The following ZPBP variants were observed in gnomAD, a reference collection of about 807,000 sequenced individuals.
ZPBP encodes the protein zona pellucida binding protein.
In ZPBP, 26 loss-of-function variants were observed where a neutral mutation model predicts 44.8. The ratio of observed to expected loss-of-function variants is 0.58; its 90% CI spans 0.43 to 0.81. The LOEUF is 0.81. Among genes scored for constraint, ZPBP ranks in the 30% least tolerant of loss-of-function variants. ZPBP has a pLI of 0.00. For missense variants in ZPBP, 409 were observed against 434.0 expected (o/e 0.94, Z 0.51); for synonymous variants, 174 against 153.2 (o/e 1.14, Z -1.00).
chr7:49,951,460 C>T (rs1274467849), intron 7 of ZPBP, among the ~76,000 whole-genome samples: 2 of 151,248 alleles, frequency 1.3e-5, no homozygotes, highest in East Asian at 1.9e-4. Flanking sequence ...GGAAAAAATG[C>T]TCAACATCAT....
At chr7:50,034,785 C>T (rs1584089714) in intron 4 of ZPBP, among the ~76,000 whole-genome samples, 1 of 152,200 alleles carries the variant, frequency 6.6e-6, no homozygotes, top group African/African-American at 2.4e-5. Flanking sequence ...TTGTTTCAAT[C>T]TGTTTCTCAC....
chr7:49,913,206 C>G (rs1219639248), intron 1 of ZPBP: 2 of 152,108 alleles, frequency 1.3e-5, no homozygotes, highest in African/African-American at 4.8e-5. Flanking sequence ...AATTAGCCAC[C>G]CTTCACAAGC....
intron 4 of ZPBP, among the ~76,000 whole-genome samples, chr7:50,033,591 A>T (rs1372640467): frequency 6.6e-6 from 1 of 152,198 alleles, no homozygotes; most frequent in Non-Finnish European, 1.5e-5. Context: ...ACTGGAGAGG[A>T]TTTTAAAAGT....
intron 2 of ZPBP, among the ~76,000 whole-genome samples, chr7:49,875,138 G>A (rs1443110064): frequency 2.0e-5 from 3 of 151,188 alleles, no homozygotes; most frequent in Admixed American, 1.3e-4. Flanking sequence ...TTGGGAGGCC[G>A]AGGCAGGCAG....
At chr7:49,949,430 C>A (rs1795236543) in intron 7 of ZPBP, among the ~76,000 whole-genome samples, 1 of 152,036 alleles carries the variant, frequency 6.6e-6, no homozygotes, top group African/African-American at 2.4e-5. Flanking sequence ...TGTATAGGTA[C>A]AATAGAATGT....
intron 6 of ZPBP, among the ~76,000 whole-genome samples, chr7:49,995,553 G>A (rs1309027011): frequency 1.3e-5 from 2 of 152,202 alleles, no homozygotes; most frequent in African/African-American, 2.4e-5. Context: ...AAATAGGAGA[G>A]ATAAATGCGG....
chr7:50,068,206 C>T (rs1801633707), intron 3 of ZPBP, among the ~76,000 whole-genome samples: 1 of 151,966 alleles, frequency 6.6e-6, no homozygotes, highest in Non-Finnish European at 1.5e-5. Flanking sequence ...ACCTTGCTGC[C>T]CTTAGGGACT....
chr7:49,935,715 A>C (rs1034584823), downstream of ZPBP: 1 of 152,212 alleles, frequency 6.6e-6, no homozygotes, highest in African/African-American at 2.4e-5. Context: ...CAATTTCTAC[A>C]GCTTGTTTTC....
At chr7:50,047,616 G>C (rs1800444179) in intron 4 of ZPBP, among the ~76,000 whole-genome samples, 1 of 149,892 alleles carries the variant, frequency 6.7e-6, no homozygotes, top group Admixed American at 6.7e-5. Flanking sequence ...TAAAACTAGG[G>C]ACTGAGTATA....
intron 2 of ZPBP, among the ~76,000 whole-genome samples, chr7:49,874,753 A>G (rs1238990658): frequency 6.6e-6 from 1 of 152,166 alleles, no homozygotes; most frequent in African/African-American, 2.4e-5. Flanking sequence ...CACCTTTGCT[A>G]TAGGACTGTG....
chr7:49,923,148 G>A (rs1376854130), intron 1 of ZPBP, among the ~76,000 whole-genome samples: 1 of 151,850 alleles, frequency 6.6e-6, no homozygotes, highest in African/African-American at 2.4e-5. Context: ...AGTTCCAAAA[G>A]GCAAAAAAGG....
intron 6 of ZPBP, among the ~76,000 whole-genome samples, chr7:49,990,985 C>T (rs886431742): frequency 5.3e-5 from 8 of 152,112 alleles, no homozygotes; most frequent in Admixed American, 2.0e-4. Context: ...CTCAAATATC[C>T]ACTAGGGGAG....
chr7:49,958,819 T>C (rs191715279), intron 7 of ZPBP, among the ~76,000 whole-genome samples: 18 of 152,310 alleles, frequency 1.2e-4, no homozygotes, highest in Admixed American at 7.2e-4. Context: ...ATCAATCCTA[T>C]AGAAGCACTT....
intron 4 of ZPBP, among the ~76,000 whole-genome samples, chr7:50,040,727 G>A (rs898759788): frequency 3.3e-5 from 5 of 152,126 alleles, no homozygotes; most frequent in Non-Finnish European, 7.3e-5. Context: ...AAAACTTGGC[G>A]GCCATTTGGG....
chr7:49,884,295 C>T (rs2128728153), intron 2 of ZPBP, among the ~76,000 whole-genome samples: 1 of 152,316 alleles, frequency 6.6e-6, no homozygotes, highest in South Asian at 2.1e-4. Context: ...CCCCCTAGGT[C>T]CTCCTGGCCA....
chr7:49,988,342 C>T (rs1037033332), intron 6 of ZPBP, among the ~76,000 whole-genome samples: 1 of 152,112 alleles, frequency 6.6e-6, no homozygotes, highest in Non-Finnish European at 1.5e-5. Flanking sequence ...TTCCTGACAC[C>T]TAGCTTTTAG....
chr7:50,032,116 T>G (rs140502473), intron 4 of ZPBP, among the ~76,000 whole-genome samples: 4,688 of 152,304 alleles, frequency 0.031, 111 homozygotes, highest in Middle Eastern at 0.054. Context: ...CATACTTAGC[T>G]ACTGTCCATC....
chr7:49,901,275 C>G (rs1012447418), intron 1 of ZPBP: 2 of 151,704 alleles, frequency 1.3e-5, no homozygotes, highest in Non-Finnish European at 3.0e-5. Flanking sequence ...AGAAATAAAA[C>G]TGTCTTTGTT....
At chr7:49,940,452 C>T (rs1416082541) in intron 7 of ZPBP, among the ~76,000 whole-genome samples, 1 of 151,700 alleles carries the variant, frequency 6.6e-6, no homozygotes, top group African/African-American at 2.4e-5. Flanking sequence ...CAAAAGAGTA[C>T]TCAAATTAGA....
Sources: gnomAD v4.1 joint callset for allele counts (sites outside exome capture counted in the v4.1 genomes callset) on GRCh38, gnomAD v4.1.1 for gene constraint, MANE v1.5 for transcripts, NCBI Gene and HGNC (gene_info 2026-07-23, HGNC 2026-07-21) for gene names.